KIAA0513: variants seen among roughly 807,000 people sequenced by gnomAD.
KIAA0513 encodes KIAA0513.
KIAA0513 carries 39 observed loss-of-function variants against 56.5 expected under a neutral mutation model. The ratio of observed to expected loss-of-function variants is 0.69; its 90% CI spans 0.53 to 0.90. KIAA0513 has a LOEUF of 0.90. Among genes scored for constraint, KIAA0513 ranks in the 40% least tolerant of loss-of-function variants. The pLI, the probability that KIAA0513 is intolerant of heterozygous loss-of-function variation, is 0.00. For missense variants in KIAA0513, 591 were observed against 535.2 expected (o/e 1.10, Z -1.03); for synonymous variants, 268 against 215.6 (o/e 1.24, Z -2.13).
chr16:85,032,451 G>T (rs1301381739), intron 1 of KIAA0513, among the ~76,000 whole-genome samples: 1 of 152,158 alleles, frequency 6.6e-6, no homozygotes, highest in Non-Finnish European at 1.5e-5. Flanking sequence ...TTCTGCCTCA[G>T]CCTCCCATGT....
rs2144126215 is a variant in KIAA0513 at position 85,091,288 on chromosome 16, G to A, written c.*2963G>A. ...GCAGCATGGTATGTTTTTAGCCTTT[G>A]TTACAGTTTTAGCAACATTGATGTC... is the stretch of plus-strand genomic sequence containing the variant. On this transcript the variant is annotated 3_prime_UTR_variant, in exon 13 of 13. Coordinates refer to ENST00000683363, the MANE Select transcript of KIAA0513 (RefSeq NM_001388359.1). 6.6e-6 allele frequency: 1 copy of A among 152,346 alleles called. No individual in the cohort carries two copies. Among genetic ancestry groups the A allele is most frequent in the South Asian group, 2.1e-4 (1 of 4,826 alleles). The allele number at this position is 152,346 out of a possible 1,614,324, so 9.4% of individuals were successfully genotyped here.
chr16:85,041,697 A>G (rs1432402033), intron 1 of KIAA0513, among the ~76,000 whole-genome samples: 10 of 152,188 alleles, frequency 6.6e-5, no homozygotes, highest in African/African-American at 2.4e-4. Context: ...GCCTCCGGTG[A>G]TGAAATTCCC....
chr16:85,078,537 G>A (rs1440500800), intron 7 of KIAA0513, 82 bp downstream of exon 7: 11 of 1,372,088 alleles, frequency 8.0e-6, no homozygotes, highest in African/African-American at 4.3e-5. Flanking sequence ...GGCCTCTGGG[G>A]CTTTCCTGCC....
chr16:85,055,872 C>A (rs1306830979), intron 1 of KIAA0513, among the ~76,000 whole-genome samples: 1 of 152,222 alleles, frequency 6.6e-6, no homozygotes. Flanking sequence ...CGGAGCCAGC[C>A]TCCCAACAAG....
intron 1 of KIAA0513, among the ~76,000 whole-genome samples, chr16:85,053,422 T>G (rs550418452): frequency 1.3e-5 from 2 of 152,334 alleles, no homozygotes; most frequent in Admixed American, 1.3e-4. Context: ...CTTGGTTTTA[T>G]GTTCCCACAT....
intron 10 of KIAA0513, 136 bp downstream of exon 10, chr16:85,082,729 C>A: frequency 1.2e-6 from 1 of 866,374 alleles, no homozygotes; most frequent in Non-Finnish European, 1.8e-6. Context: ...TGGTGGCCGG[C>A]GGGGAGGGCG....
chr16:85,065,005 C>T (rs2073458386), intron 1 of KIAA0513, among the ~76,000 whole-genome samples: 2 of 152,198 alleles, frequency 1.3e-5, no homozygotes, highest in South Asian at 2.1e-4. Flanking sequence ...TTTCCTCTTG[C>T]GTGCCTTGCC....
Position 85,078,977 on chromosome 16 carries a change from C to T in KIAA0513, c.876C>T (p.Tyr292=). Reference sequence around the variant, plus strand: ...AGAAGGGGGAGAAGATCTACCTGTACACGCACCTGAAGCAACAGCCCATCT... The same window carrying T: ...AGAAGGGGGAGAAGATCTACCTGTATACGCACCTGAAGCAACAGCCCATCT... ...DEKKGEKIYL[Y]THLKQQPIWH... Residue 292 remains tyrosine, a synonymous_variant, in exon 8 of 13, where the codon TAC becomes TAT. Transcript: ENST00000683363. The T allele has an allele frequency of 6.2e-7, 1 of 1,614,206 alleles. No homozygotes were observed. The highest frequency in any genetic ancestry group is 8.5e-7 in the Non-Finnish European group (1 of 1,180,038).
At chr16:85,050,693 C>T (rs939528260) in intron 1 of KIAA0513, among the ~76,000 whole-genome samples, 10 of 152,146 alleles carry the variant, frequency 6.6e-5, no homozygotes, top group Non-Finnish European at 4.4e-5. Context: ...CCTTGTTTTC[C>T]GCAGTGTGGT....
intron 1 of KIAA0513, among the ~76,000 whole-genome samples, chr16:85,062,477 G>A (rs545191700): frequency 5.3e-5 from 8 of 152,150 alleles, no homozygotes; most frequent in Non-Finnish European, 1.0e-4. Flanking sequence ...AGGCCCGCAG[G>A]CCAGCATGTT....
Position 85,086,685 on chromosome 16 carries a change from G to A in KIAA0513, c.1052G>A (p.Ser351Asn). The A allele has an allele frequency of 6.2e-7, 1 of 1,613,918 alleles. No individual in the cohort carries two copies. Among genetic ancestry groups the A allele is most frequent in the Non-Finnish European group, 8.5e-7 (1 of 1,180,000 alleles). ...ATGACCCAGGAGGAGCGCGACGACA[G>A]CCTCCGGTTCAACGAGAACATCACC... ...CHMTQEERDD[S>N]LRFNENITFG... Residue 351 changes from serine (S) to asparagine (N), a missense_variant, in exon 11 of 13, where the codon AGC (serine) becomes AAC (asparagine). Physicochemically the swap from Ser to Asn is conservative, Grantham distance 46 (BLOSUM62 1). Coordinates refer to ENST00000683363, the MANE Select transcript of KIAA0513 (RefSeq NM_001388359.1).
At chr16:85,054,421 C>CTT (rs398042273) in intron 1 of KIAA0513, among the ~76,000 whole-genome samples, 461 of 119,358 alleles carry the variant, frequency 3.9e-3, no homozygotes, top group South Asian at 5.2e-3. Context: ...TTTTTCTTTT[C>CTT]TTTTTTTTTT....
chr16:85,050,910 C>T (rs2073244212), intron 1 of KIAA0513, among the ~76,000 whole-genome samples: 1 of 152,198 alleles, frequency 6.6e-6, no homozygotes, highest in South Asian at 2.1e-4. Context: ...AATCCCAGCA[C>T]TTCAGGGAGC....
chr16:85,061,492 T>C (rs1249566020), intron 1 of KIAA0513, among the ~76,000 whole-genome samples: 1 of 152,152 alleles, frequency 6.6e-6, no homozygotes, highest in Non-Finnish European at 1.5e-5. Context: ...GATGTGTGTG[T>C]GTTGTGTGTT....
rs186061826 is a variant in KIAA0513 at position 85,067,279 on chromosome 16, C to T, written c.208C>T (p.Arg70Cys). The change falls in exon 2 of 13, where the codon CGC becomes TGC. Residue 70 changes from arginine to cysteine, a missense_variant. Transcript: ENST00000683363. Reference protein sequence around the residue: ...SPSHPSWDQDRRSSSNESFSS... With the variant: ...SPSHPSWDQDCRSSSNESFSS... ...CTCGCACCCGTCCTGGGACCAAGAC[C>T]GCCGTTCCTCCTCCAACGAGTCCTT... is the stretch of plus-strand genomic sequence containing the variant. 20 of 1,613,944 alleles carry T rather than the reference C, an allele frequency of 1.2e-5. No homozygotes were observed. The Admixed American group carries it at 1.8e-4, about 15-fold the overall frequency.
rs754575399 is a variant in KIAA0513, at chr16:85,077,420, C to G, written c.575-5C>G. On this transcript the variant is annotated splice_polypyrimidine_tract_variant and splice_region_variant and intron_variant, in intron 5 of 12. Transcript: ENST00000683363. The stretch of plus-strand genomic sequence containing the variant: ...GGCCTCGTCTTGTTCCCTCTCTCAT[C>G]CAAGGAAAACCACAGCTGCTGCCCC... 1 of 1,613,588 alleles carries G rather than the reference C, an allele frequency of 6.2e-7. No homozygotes were observed. The highest frequency in any genetic ancestry group is 8.5e-7 in the Non-Finnish European group (1 of 1,179,722).
Position 85,089,414 on chromosome 16 carries a change from C to T in KIAA0513, c.*1089C>T. The T allele has an allele frequency of 6.5e-6, 1 of 152,982 alleles. No individual in the cohort carries two copies. Among genetic ancestry groups the T allele is most frequent in the South Asian group, 2.1e-4 (1 of 4,834 alleles). 9.5% of individuals were successfully genotyped at this position (152,982 alleles called of 1,614,324 possible). ...CTCCTCCAGCCTCTGCAGAGACTCC[C>T]TTCACCTCGCACTTACTGCCTGGGA... On this transcript the variant is annotated 3_prime_UTR_variant, in exon 13 of 13. Coordinates refer to ENST00000683363, the MANE Select transcript of KIAA0513 (RefSeq NM_001388359.1). The surrounding 1 kb of genome is among the most constrained non-coding windows in gnomAD (Gnocchi z 4.2).
At chr16:85,049,495 G>T (rs1170333524) in intron 1 of KIAA0513, among the ~76,000 whole-genome samples, 1 of 152,194 alleles carries the variant, frequency 6.6e-6, no homozygotes, top group Non-Finnish European at 1.5e-5. Context: ...TATCACGGGG[G>T]CGAATTTCTC....
intron 1 of KIAA0513, among the ~76,000 whole-genome samples, chr16:85,064,040 C>G (rs1412238879): frequency 6.6e-5 from 9 of 136,070 alleles, no homozygotes; most frequent in African/African-American, 2.5e-4. Flanking sequence ...GAGACTTGCT[C>G]TGTCGCCCAG....
Sources: allele counts gnomAD v4.1 joint callset (sites outside exome capture counted in the v4.1 genomes callset), GRCh38; gene constraint gnomAD v4.1.1; non-coding constraint Gnocchi (gnomAD v3.1); transcripts MANE v1.5; gene names NCBI Gene and HGNC (gene_info 2026-07-23, HGNC 2026-07-21).